ARHGAP18: variants seen among roughly 807,000 people sequenced by gnomAD.
The protein encoded by ARHGAP18 is Rho GTPase activating protein 18, also known as rho GTPase-activating protein 18.
ARHGAP18 carries 67 observed loss-of-function variants against 86.2 expected under a neutral mutation model. The observed-to-expected ratio is 0.78, with a 90% confidence interval of 0.64 to 0.95. ARHGAP18 has a LOEUF of 0.95. ARHGAP18 is among the 40% of genes least tolerant of loss of function. ARHGAP18 has a pLI of 0.00. For missense variants in ARHGAP18, 691 were observed against 780.4 expected (o/e 0.89, Z 1.37); for synonymous variants, 283 against 280.4 (o/e 1.01, Z -0.09).
intron 1 of ARHGAP18, among the ~76,000 whole-genome samples, chr6:129,688,674 C>A (rs1026860802): frequency 2.0e-5 from 3 of 152,158 alleles, no homozygotes; most frequent in Non-Finnish European, 4.4e-5. Context: ...TGCCTGTAAT[C>A]CCAGCTACTT....
chr6:129,585,020 CT>C (rs59934135), intron 12 of ARHGAP18, among the ~76,000 whole-genome samples: 36,797 of 142,920 alleles, frequency 0.26, 5,581 homozygotes, highest in African/African-American at 0.41. Flanking sequence ...ATATCATGTC[CT>C]TTTTTTTTTT....
chr6:129,599,258 A>G lies in ARHGAP18; in HGVS notation c.1671T>C (p.Tyr557=). 6.3e-7 allele frequency: 1 copy of G among 1,592,710 alleles called. No homozygotes were observed. The highest frequency in any genetic ancestry group is 8.5e-7 in the Non-Finnish European group (1 of 1,172,748). ...AMKKLLKKMA[Y]DREKYEKQDK... ...CTTGCTTTTCATATTTTTCTCGGTC[A>G]TAAGCCATTTTCTTCAGCAATTTCT... is the stretch of plus-strand genomic sequence containing the variant. Residue 557 remains tyrosine, a synonymous_variant, in exon 12 of 15, where the codon TAT becomes TAC. Coordinates refer to ENST00000368149, the MANE Select transcript of ARHGAP18 (RefSeq NM_033515.3).
At chr6:129,679,167 C>T (rs1325360860) in intron 1 of ARHGAP18, among the ~76,000 whole-genome samples, 1 of 151,532 alleles carries the variant, frequency 6.6e-6, no homozygotes, top group African/African-American at 2.4e-5. Context: ...TAAAATAAAT[C>T]CTTACTATTC....
In ARHGAP18 at chr6:129,704,761, G is replaced by C. The variant is rs557077468; in HGVS notation, c.113+5263C>G. On this transcript the variant is annotated intron_variant, in intron 1 of 14. Transcript: ENST00000368149. ...CTATAATCAATATAACAGCCAGAGG[G>C]ACCTTTTAAATGTGCTCTCTTCCTC... is the stretch of plus-strand genomic sequence containing the variant. Among the ~76,000 whole-genome samples the C allele has an allele frequency of 2.7e-3, 413 of 152,200 alleles. 1 individual carries two copies. The highest frequency in any genetic ancestry group is 9.4e-3 in the African/African-American group (390 of 41,514).
rs944241764 is a variant in ARHGAP18 at position 129,621,649 on chromosome 6, T to C, written c.787-2797A>G. ...GTTGTGGCGAAGATCAAATGATAAA[T>C]AGCACTCAAAAAGTATTACATATTA... On this transcript the variant is annotated intron_variant, in intron 5 of 14. Transcript: ENST00000368149. 6.6e-5 allele frequency among the ~76,000 whole-genome samples: 10 copies of C among 152,272 alleles called. No homozygotes were observed. The East Asian group carries it at 1.7e-3, about 26-fold the overall frequency.
intron 1 of ARHGAP18, among the ~76,000 whole-genome samples, chr6:129,644,567 T>C (rs890999839): frequency 1.3e-5 from 2 of 152,162 alleles, no homozygotes; most frequent in African/African-American, 2.4e-5. Flanking sequence ...TAGTGTGAAA[T>C]TGACCACCTT....
chr6:129,613,039 C>G (rs1030991415), intron 7 of ARHGAP18, among the ~76,000 whole-genome samples: 2 of 151,938 alleles, frequency 1.3e-5, no homozygotes, highest in Non-Finnish European at 2.9e-5. Flanking sequence ...CGAGACCATC[C>G]TTGTTAACAT....
At chr6:129,584,208 A>G in intron 12 of ARHGAP18, 96 bp from the exon 13 acceptor site, 7 of 1,485,334 alleles carry the variant, frequency 4.7e-6, no homozygotes, top group Non-Finnish European at 5.4e-6. Context: ...ACTACTACGC[A>G]TTTTACTTCA....
Position 129,629,346 on chromosome 6 carries a change from T to C in ARHGAP18, c.786+7A>G. On this transcript the variant is annotated splice_region_variant and intron_variant, in intron 5 of 14. Coordinates refer to ENST00000368149, the MANE Select transcript of ARHGAP18 (RefSeq NM_033515.3). ...ATATGTATATTTATAAAGAGTGTAC[T>C]ACGTACAGGTAATGTGGCATCATCG... 5 of 1,611,728 alleles carry C rather than the reference T, an allele frequency of 3.1e-6. No homozygotes were observed. The highest frequency in any genetic ancestry group is 2.5e-6 in the Non-Finnish European group (3 of 1,178,510).
At chr6:129,708,677 G>C (rs1774845604) in intron 1 of ARHGAP18, among the ~76,000 whole-genome samples, 2 of 152,344 alleles carry the variant, frequency 1.3e-5, no homozygotes, top group Non-Finnish European at 1.5e-5. Flanking sequence ...AGAATGTCCT[G>C]AGCTTGTATA....
intron 1 of ARHGAP18, among the ~76,000 whole-genome samples, chr6:129,682,163 C>T (rs1774335488): frequency 6.6e-6 from 1 of 152,188 alleles, no homozygotes; most frequent in South Asian, 2.1e-4. Context: ...TGAAGAAAAG[C>T]TCCTTCACCT....
intron 1 of ARHGAP18, among the ~76,000 whole-genome samples, chr6:129,656,156 C>T (rs569827954): frequency 1.5e-4 from 23 of 152,318 alleles, no homozygotes; most frequent in Admixed American, 5.2e-4. Flanking sequence ...TGTTTGAAGT[C>T]CAAAGAAGCA....
chr6:129,590,392 A>C (rs1788484995), intron 12 of ARHGAP18, among the ~76,000 whole-genome samples: 1 of 152,132 alleles, frequency 6.6e-6, no homozygotes. Context: ...TAAGAGTTTT[A>C]ATAGAGAGTC....
chr6:129,587,206 AAT>A (rs1384789224), intron 12 of ARHGAP18, among the ~76,000 whole-genome samples: 3 of 152,230 alleles, frequency 2.0e-5, no homozygotes, highest in African/African-American at 7.2e-5. Flanking sequence ...TCTTAGGAAC[AAT>A]GTCTAAAAGA....
intron 13 of ARHGAP18, 89 bp downstream of exon 13, chr6:129,583,899 A>G: frequency 2.0e-6 from 3 of 1,499,894 alleles, no homozygotes; most frequent in South Asian, 2.7e-5. Context: ...ACAAAAAAAA[A>G]AAAAAGGAAG....
rs766566421 is a variant in ARHGAP18 at position 129,710,069 on chromosome 6, G to A, written c.68C>T (p.Thr23Ile). 5 of 1,614,008 alleles carry A rather than the reference G, an allele frequency of 3.1e-6. No individual in the cohort carries two copies. Among genetic ancestry groups the A allele is most frequent in the East Asian group, 2.2e-5 (1 of 44,894 alleles). The change falls in exon 1 of 15, where the codon ACC becomes ATC. Residue 23 changes from threonine (T) to isoleucine (I), a missense_variant. By Grantham distance (89) the Thr-to-Ile change is moderately conservative. Transcript: ENST00000368149. Reference sequence around the variant, plus strand: ...TGCCTTTGCATGGCTGTTCCCGACGGTCTGGTCCTTGCCGCTGGGGTGGTA... The same window carrying A: ...TGCCTTTGCATGGCTGTTCCCGACGATCTGGTCCTTGCCGCTGGGGTGGTA... The part of the protein sequence containing the change: ...TAYHPSGKDQ[T>I]VGNSHAKAGE...
At chr6:129,689,032 G>A (rs756329829) in intron 1 of ARHGAP18, among the ~76,000 whole-genome samples, 6 of 152,008 alleles carry the variant, frequency 3.9e-5, no homozygotes, top group South Asian at 4.1e-4. Flanking sequence ...CATGCAAAAC[G>A]TATGTGCTAT....
chr6:129,646,627 T>G (rs1191929428), intron 1 of ARHGAP18, among the ~76,000 whole-genome samples: 1 of 152,176 alleles, frequency 6.6e-6, no homozygotes, highest in Non-Finnish European at 1.5e-5. Context: ...ATTTTTCAAA[T>G]AAAAATAGTG....
At chr6:129,593,762 T>C (rs943748975) in intron 12 of ARHGAP18, among the ~76,000 whole-genome samples, 3 of 152,188 alleles carry the variant, frequency 2.0e-5, no homozygotes, top group Non-Finnish European at 4.4e-5. Context: ...TCCAACTGTT[T>C]CTTCCTACTA....
Sources: allele counts gnomAD v4.1 joint callset (sites outside exome capture counted in the v4.1 genomes callset), GRCh38; gene constraint gnomAD v4.1.1; transcripts MANE v1.5; gene names NCBI Gene and HGNC (gene_info 2026-07-23, HGNC 2026-07-21).